PRKG1: variants seen among roughly 807,000 people sequenced by gnomAD.
The protein encoded by PRKG1 is protein kinase cGMP-dependent 1, also known as cGMP-dependent protein kinase 1.
PRKG1 carries 35 observed loss-of-function variants against 88.1 expected under a neutral mutation model. The observed-to-expected ratio is 0.40, with a 90% CI of 0.30 to 0.53. The LOEUF (loss-of-function observed/expected upper bound fraction) is 0.53, where lower values mean the gene tolerates loss of function less well. Among genes scored for constraint, PRKG1 ranks in the 20% least tolerant of loss-of-function variants. The probability of loss-of-function intolerance (pLI) is 0.59; values close to 1 mark genes in which losing one functional copy is unlikely to be tolerated. For missense variants in PRKG1, 540 were observed against 839.8 expected, an observed-to-expected ratio of 0.64 and a Z score of 4.41; for synonymous variants, 303 against 292.5, an observed-to-expected ratio of 1.04 and a Z score of -0.37.
At chr10:51,322,452 C>G (rs1399430273) in intron 2 of PRKG1, among the ~76,000 whole-genome samples, 1 of 152,120 alleles carries the variant, frequency 6.6e-6, no homozygotes, top group Admixed American at 6.6e-5. Context: ...CTTTCCAAGT[C>G]CAAGGACTTG....
chr10:51,022,599 CTT>C (rs1463337478), intron 1 of PRKG1, among the ~76,000 whole-genome samples: 1 of 152,102 alleles, frequency 6.6e-6, no homozygotes, highest in African/African-American at 2.4e-5. Flanking sequence ...TTAATGTAAA[CTT>C]AGCCCAAGTG....
intron 3 of PRKG1, among the ~76,000 whole-genome samples, chr10:51,701,150 G>T (rs1264629427): frequency 6.6e-6 from 1 of 151,896 alleles, no homozygotes; most frequent in African/African-American, 2.4e-5. Flanking sequence ...TTTAAATGTG[G>T]CTATTAGAAA....
chr10:52,055,450 T>C (rs1846087941), intron 6 of PRKG1, among the ~76,000 whole-genome samples: 1 of 152,198 alleles, frequency 6.6e-6, no homozygotes. Context: ...AAATCATACT[T>C]TATTTCTAAA....
chr10:51,159,286 A>G (rs1339929126), intron 2 of PRKG1, among the ~76,000 whole-genome samples: 2 of 152,158 alleles, frequency 1.3e-5, no homozygotes, highest in African/African-American at 2.4e-5. Flanking sequence ...AAGGAATTGA[A>G]TGCATTTTCA....
chr10:50,998,966 CATT>C (rs1249685162), intron 1 of PRKG1, among the ~76,000 whole-genome samples: 1 of 152,180 alleles, frequency 6.6e-6, no homozygotes, highest in East Asian at 1.9e-4. Context: ...GCTCACTAAA[CATT>C]ATTGATGGAT....
At chr10:51,054,899 C>T (rs1186341453) in intron 1 of PRKG1, among the ~76,000 whole-genome samples, 2 of 152,122 alleles carry the variant, frequency 1.3e-5, no homozygotes, top group Non-Finnish European at 2.9e-5. Context: ...TTCTAATGGT[C>T]TATGAAAAGC....
At chr10:51,751,517 T>C (rs1166042623) in intron 3 of PRKG1, among the ~76,000 whole-genome samples, 1 of 152,192 alleles carries the variant, frequency 6.6e-6, no homozygotes, top group Non-Finnish European at 1.5e-5. Context: ...TGTGAGCCAT[T>C]GCACCTGATG....
intron 4 of PRKG1, among the ~76,000 whole-genome samples, chr10:51,819,331 T>C (rs560062866): frequency 1.8e-4 from 28 of 152,148 alleles, no homozygotes; most frequent in African/African-American, 6.3e-4. Context: ...GCCCAGGGCA[T>C]TAATCTATTC....
intron 2 of PRKG1, among the ~76,000 whole-genome samples, chr10:51,185,908 T>C (rs1429636857): frequency 6.6e-6 from 1 of 151,748 alleles, no homozygotes; most frequent in Non-Finnish European, 1.5e-5. Context: ...TTCCTTAGGA[T>C]AAAAATTCAT....
chr10:51,231,775 A>G (rs920232792), intron 2 of PRKG1, among the ~76,000 whole-genome samples: 3 of 151,724 alleles, frequency 2.0e-5, no homozygotes, highest in African/African-American at 7.3e-5. Flanking sequence ...TGATAAACTG[A>G]TCTGGTAGCT....
intron 1 of PRKG1, among the ~76,000 whole-genome samples, chr10:51,110,194 C>A (rs988079580): frequency 2.0e-5 from 3 of 152,134 alleles, no homozygotes; most frequent in Admixed American, 6.6e-5. Flanking sequence ...ACCGATTCCA[C>A]CCCTGTGTAT....
chr10:52,191,124 AG>A (rs1437953072), intron 9 of PRKG1, among the ~76,000 whole-genome samples: 1 of 152,090 alleles, frequency 6.6e-6, no homozygotes, highest in African/African-American at 2.4e-5. Flanking sequence ...CCTTTAATCT[AG>A]AGGAGTCTCC....
Position 52,290,075 on chromosome 10 carries a change from G to A in PRKG1, c.1896-149G>A, listed in dbSNP as rs41281544. ...TGTATTTCATAAAATAAACTATTAG[G>A]AAAACATATGCAATTAAATAGAAAA... is the stretch of plus-strand genomic sequence containing the variant. On this transcript the variant is annotated intron_variant, in intron 16 of 17. Coordinates refer to ENST00000373980, the MANE Select transcript of PRKG1 (RefSeq NM_006258.4). 46,901 of 578,716 alleles carry A rather than the reference G, an allele frequency of 0.081. 3,923 individuals are homozygous for A. Among genetic ancestry groups the A allele is most frequent in the African/African-American group, 0.32 (17,328 of 53,438 alleles). The allele number at this position is 578,716 out of a possible 1,614,324, so 35.8% of individuals were successfully genotyped here. A position where few individuals can be genotyped will look rare whatever the true frequency, so the allele number is the denominator to read the frequency against.
chr10:51,539,410 A>G (rs1842242862), intron 3 of PRKG1, among the ~76,000 whole-genome samples: 1 of 152,170 alleles, frequency 6.6e-6, no homozygotes, highest in Non-Finnish European at 1.5e-5. Context: ...AGTTATCCCT[A>G]TATTCTTAAA....
chr10:51,448,247 C>T (rs553523900), intron 2 of PRKG1, among the ~76,000 whole-genome samples: 2 of 151,744 alleles, frequency 1.3e-5, no homozygotes, highest in Admixed American at 6.6e-5. Context: ...GACCCTGTTT[C>T]AAGAAAAAAC....
intron 2 of PRKG1, among the ~76,000 whole-genome samples, chr10:51,185,989 A>T (rs74133514): frequency 0.053 from 8,062 of 151,980 alleles, 400 homozygotes; most frequent in African/African-American, 0.13. Context: ...TTTAAAAAAA[A>T]ATGTTATAGA....
intron 3 of PRKG1, among the ~76,000 whole-genome samples, chr10:51,637,908 T>A (rs1839699937): frequency 6.6e-6 from 1 of 152,174 alleles, no homozygotes; most frequent in Admixed American, 6.5e-5. Context: ...ATCCTGCATG[T>A]GTATCCCTGA....
Position 51,970,714 on chromosome 10 carries a change from AT to A in PRKG1, c.762+63145del, listed in dbSNP as rs113082984. 5.3e-3 allele frequency among the ~76,000 whole-genome samples: 764 copies of A among 144,530 alleles called. 3 individuals are homozygous for A. Among genetic ancestry groups the A allele is most frequent in the African/African-American group, 0.017 (645 of 38,112 alleles). 94.8% of individuals were successfully genotyped at this position (144,530 alleles called of 152,430 possible). A position where few individuals can be genotyped will look rare whatever the true frequency, so the allele number is the denominator to read the frequency against. On this transcript the variant is annotated intron_variant, in intron 5 of 17. Transcript: ENST00000373980. The stretch of plus-strand genomic sequence containing the variant: ...ATATATATCAGATATATCATCTGAT[AT>A]ATATATATCAGATATATCAGATTAT...
intron 2 of PRKG1, among the ~76,000 whole-genome samples, chr10:51,268,179 T>A (rs1213187364): frequency 6.6e-6 from 1 of 151,840 alleles, no homozygotes. Flanking sequence ...GTCACAGAGA[T>A]CACAAGGCAA....
Sources: allele counts gnomAD v4.1 joint callset (sites outside exome capture counted in the v4.1 genomes callset), GRCh38; gene constraint gnomAD v4.1.1; transcripts MANE v1.5; gene names NCBI Gene and HGNC (gene_info 2026-07-23, HGNC 2026-07-21).